Variants in GSTM5 observed in about 807,000 individuals in gnomAD.
GSTM5 encodes the protein glutathione S-transferase mu 5, also known as GST class-mu 5.
In GSTM5, 24 loss-of-function variants were observed where a neutral mutation model predicts 29.0. The ratio of observed to expected loss-of-function variants is 0.83; its 90% CI spans 0.60 to 1.16. The LOEUF is 1.16. GSTM5 is among the 50% of genes most tolerant of loss of function. The probability of loss-of-function intolerance (pLI) is 0.00; values close to 1 mark genes in which losing one functional copy is unlikely to be tolerated. For synonymous variants in GSTM5, 91 were observed against 93.6 expected, an observed-to-expected ratio of 0.97 and a Z score of 0.16; for missense variants, 290 against 263.0, an observed-to-expected ratio of 1.10 and a Z score of -0.71.
At chr1:109,712,911 A>G (rs1648609820) in intron 2 of GSTM5, 2 of 843,502 alleles carry the variant, frequency 2.4e-6, no homozygotes, top group East Asian at 2.7e-5. Context: ...TGTCCCTCAG[A>G]GCTTCCCTAA....
chr1:109,712,468 G>A lies in GSTM5; in HGVS notation c.36+120G>A, dbSNP rs536612833. On this transcript the variant is annotated intron_variant, in intron 1 of 7. Coordinates refer to ENST00000256593, the MANE Select transcript of GSTM5 (RefSeq NM_000851.4). ...GGCTGCCCGCCTCAGAAGGGCCTGT[G>A]CATGACGCTGTGTGTGTGTTTGGGG... The A allele has an allele frequency of 8.3e-5, 109 of 1,310,590 alleles. No individual in the cohort carries two copies. In the Middle Eastern group the frequency reaches 5.9e-3, roughly 71 times the overall value. The allele number at this position is 1,310,590 out of a possible 1,614,324, so 81.2% of individuals were successfully genotyped here. A position where few individuals can be genotyped will look rare whatever the true frequency, so the allele number is the denominator to read the frequency against.
chr1:109,715,096 G>T (rs767818131), intron 6 of GSTM5, 34 bp from the exon 7 acceptor site: 2 of 1,614,100 alleles, frequency 1.2e-6, no homozygotes, highest in Non-Finnish European at 1.7e-6. Context: ...TGTGTTTCGG[G>T]GTTTTCAGCC....
chr1:109,714,581 G>T, intron 5 of GSTM5: 1 of 268,998 alleles, frequency 3.7e-6, no homozygotes, highest in South Asian at 6.0e-5. Flanking sequence ...CCCATTAGAA[G>T]GAACTTTCTA....
chr1:109,717,689 C>G lies in GSTM5; in HGVS notation c.*263C>G, dbSNP rs908568584. ...CCCTGCACTAACGCCAACCTGACTG[C>G]TTTTCCTGTCAGTGCTTTTCTCTTC... On this transcript the variant is annotated 3_prime_UTR_variant, in exon 8 of 8. Coordinates refer to ENST00000256593, the MANE Select transcript of GSTM5 (RefSeq NM_000851.4). 2.4e-6 allele frequency: 1 copy of G among 419,194 alleles called. No individual in the cohort carries two copies. The highest frequency in any genetic ancestry group is 2.3e-5 in the South Asian group (1 of 43,704). 26.0% of individuals were successfully genotyped at this position (419,194 alleles called of 1,614,324 possible).
At chr1:109,713,855 G>A (rs545500286) in intron 5 of GSTM5, 94 bp downstream of exon 5, 12 of 853,132 alleles carry the variant, frequency 1.4e-5, no homozygotes, top group Admixed American at 3.8e-5. Flanking sequence ...AGCAGACTCC[G>A]GCCAGCTGAC....
At chr1:109,712,936 A>AG in intron 2 of GSTM5, 183 bp from the exon 3 acceptor site, 1 of 886,396 alleles carries the variant, frequency 1.1e-6, no homozygotes, top group Non-Finnish European at 1.8e-6. Flanking sequence ...TGGAAGCCTT[A>AG]GCCGTTGTGG....
chr1:109,714,680 C>T (rs1430861022), intron 5 of GSTM5: 12 of 516,672 alleles, frequency 2.3e-5, no homozygotes, highest in South Asian at 2.0e-4. Flanking sequence ...GGCGCTCATG[C>T]GGCTGACCCA....
At chr1:109,712,964 G>A in intron 2 of GSTM5, 155 bp from the exon 3 acceptor site, 3 of 984,832 alleles carry the variant, frequency 3.0e-6, no homozygotes. Flanking sequence ...AGCCCTCAGT[G>A]GGATTCTTTC....
intron 7 of GSTM5, chr1:109,715,876 G>A (rs1648729004): frequency 7.2e-6 from 4 of 554,638 alleles, no homozygotes; most frequent in South Asian, 1.5e-5. Flanking sequence ...CTGTGCTGGG[G>A]CACTCTCCTT....
rs147739570 is a variant in GSTM5, at chr1:109,713,538, C to A, written c.232C>A (p.Arg78Ser). 4.7e-5 allele frequency: 76 copies of A among 1,614,230 alleles called. No homozygotes were observed. In the South Asian group the frequency reaches 6.3e-4, roughly 13 times the overall value. The change falls in exon 4 of 8, where the codon CGC (arginine) becomes AGC (serine). Residue 78 changes from arginine to serine, a missense_variant. Physicochemically the swap from Arg to Ser is moderately radical, Grantham distance 110. Transcript: ENST00000256593. The stretch of plus-strand genomic sequence containing the variant: ...GATCACCCAGAGCAATGCCATCCTG[C>A]GCTACATTGCCCGCAAGCACAACCT... ...HKITQSNAILRYIARKHNLCG... is the reference protein window; with the variant it reads ...HKITQSNAILSYIARKHNLCG...
intron 7 of GSTM5, 74 bp downstream of exon 7, chr1:109,715,314 GGAGCTACACAAA>G (rs1176116326): frequency 6.2e-7 from 1 of 1,613,780 alleles, no homozygotes; most frequent in African/African-American, 1.3e-5. Flanking sequence ...TCCCAGTCCT[GGAGCTACACAAA>G]GAATAACTCG....
At chr1:109,715,064 G>A (rs2101319326) in intron 6 of GSTM5, 22 bp downstream of exon 6, 1 of 1,614,096 alleles carries the variant, frequency 6.2e-7, no homozygotes, top group Non-Finnish European at 8.5e-7. Context: ...GTGATATGGG[G>A]AATGAGATCT....
At chr1:109,717,127 G>GGA in intron 7 of GSTM5, 2 of 338,030 alleles carry the variant, frequency 5.9e-6, no homozygotes, top group South Asian at 6.5e-5. Context: ...TTCGTAAATG[G>GGA]TAGCTGTTAT....
intron 7 of GSTM5, chr1:109,715,741 C>T (rs1432944687): frequency 2.9e-5 from 12 of 416,786 alleles, no homozygotes; most frequent in African/African-American, 6.1e-5. Flanking sequence ...TATTCATAGC[C>T]ACCCCCAGAA....
rs1648692939 is a variant in GSTM5 at position 109,715,002 on chromosome 1, C to T, written c.416C>T (p.Ser139Leu). ...CTCCCTGAAAAGCTAAAGCTCTACT[C>T]AGAGTTTCTGGGGAAGCGGCCATGG... ...EELPEKLKLY[S>L]EFLGKRPWFA... Residue 139 changes from serine to leucine, a missense_variant, in exon 6 of 8, where the codon TCA becomes TTA. Coordinates refer to ENST00000256593, the MANE Select transcript of GSTM5 (RefSeq NM_000851.4). 1 of 1,614,254 alleles carries T rather than the reference C, an allele frequency of 6.2e-7. No homozygotes were observed.
At chr1:109,715,554 G>T (rs1451490674) in intron 7 of GSTM5, 1 of 1,366,572 alleles carries the variant, frequency 7.3e-7, no homozygotes, top group African/African-American at 1.5e-5. Flanking sequence ...ATCTATGGGT[G>T]GCAGTCAGGG....
rs1277034569 is a variant in GSTM5, at chr1:109,715,993, A to C, written c.567+753A>C. 1.9e-5 allele frequency: 17 copies of C among 890,170 alleles called. No individual in the cohort carries two copies. The East Asian group carries it at 7.6e-4, about 40-fold the overall frequency. The allele number at this position is 890,170 out of a possible 1,614,324, so 55.1% of individuals were successfully genotyped here. On this transcript the variant is annotated intron_variant, in intron 7 of 7. Coordinates refer to ENST00000256593, the MANE Select transcript of GSTM5 (RefSeq NM_000851.4). Reference sequence around the variant, plus strand: ...CCTATTCACCGACCTTCTCCTCTGCATGAGGCAGGGTGTGAGGCACAGTGG... The same window carrying C: ...CCTATTCACCGACCTTCTCCTCTGCCTGAGGCAGGGTGTGAGGCACAGTGG...
At chr1:109,712,418 G>T in intron 1 of GSTM5, 70 bp downstream of exon 1, 1 of 1,550,102 alleles carries the variant, frequency 6.5e-7, no homozygotes, top group East Asian at 2.2e-5. Context: ...CTGCAGGACT[G>T]GCTCTAGGGA....
chr1:109,715,203 C>A lies in GSTM5; in HGVS notation c.530C>A (p.Ala177Asp). 6.2e-7 allele frequency: 1 copy of A among 1,614,228 alleles called. No individual in the cohort carries two copies. The part of the protein sequence containing the change: ...KRIFEPKCLD[A>D]FLNLKDFISR... Reference sequence around the variant, plus strand: ...ATATTTGAGCCCAAGTGCTTGGACGCCTTCCTAAACTTGAAGGACTTCATC... The same window carrying A: ...ATATTTGAGCCCAAGTGCTTGGACGACTTCCTAAACTTGAAGGACTTCATC... Residue 177 changes from alanine to aspartate, a missense_variant, in exon 7 of 8, where the codon GCC becomes GAC. Transcript: ENST00000256593.
Sources: allele counts gnomAD v4.1 joint callset, GRCh38; gene constraint gnomAD v4.1.1; transcripts MANE v1.5; gene names NCBI Gene and HGNC (gene_info 2026-07-23, HGNC 2026-07-21).